Variants in GRID1 observed in about 807,000 individuals in gnomAD.
GRID1 encodes glutamate ionotropic receptor delta type subunit 1.
Under a neutral mutation model 98.0 loss-of-function variants are expected in GRID1, and 28 were observed. The ratio of observed to expected loss-of-function variants is 0.29; its 90% CI spans 0.21 to 0.39. GRID1 has a LOEUF of 0.39. Among genes scored for constraint, GRID1 ranks in the 10% least tolerant of loss-of-function variants. The pLI is 1.00. For synonymous variants in GRID1, 553 were observed against 538.5 expected (o/e 1.03, Z -0.37); for missense variants, 1,111 against 1,340.5 (o/e 0.83, Z 2.67).
At chr10:85,860,801 C>A (rs1332265301) in intron 6 of GRID1, among the ~76,000 whole-genome samples, 2 of 152,160 alleles carry the variant, frequency 1.3e-5, no homozygotes, top group African/African-American at 4.8e-5. Context: ...TCTCCACTAG[C>A]ATCCATTTGC....
At chr10:85,614,126 G>C (rs1842763512) in intron 14 of GRID1, among the ~76,000 whole-genome samples, 1 of 152,172 alleles carries the variant, frequency 6.6e-6, no homozygotes, top group Admixed American at 6.5e-5. Context: ...TTGATTTGAG[G>C]ATCTTCTGTG....
chr10:86,305,750 G>A (rs1277564802), intron 2 of GRID1, among the ~76,000 whole-genome samples: 1 of 152,228 alleles, frequency 6.6e-6, no homozygotes, highest in African/African-American at 2.4e-5. Flanking sequence ...TTTCAGAGAG[G>A]AGGATCACAC....
chr10:85,767,587 TAA>T (rs1478409458), intron 8 of GRID1, among the ~76,000 whole-genome samples: 1 of 152,200 alleles, frequency 6.6e-6, no homozygotes, highest in Non-Finnish European at 1.5e-5. Flanking sequence ...GGCCTGTTGT[TAA>T]TCATTCCATG....
chr10:85,693,138 A>C (rs927051450), intron 12 of GRID1, among the ~76,000 whole-genome samples: 3 of 149,228 alleles, frequency 2.0e-5, no homozygotes, highest in Admixed American at 6.6e-5. Context: ...CTAAGTAGTC[A>C]TCAAGATAAT....
intron 8 of GRID1, among the ~76,000 whole-genome samples, chr10:85,834,052 G>C (rs773032759): frequency 1.1e-4 from 16 of 152,166 alleles, no homozygotes; most frequent in Admixed American, 3.3e-4. Flanking sequence ...AAGAGAAAGA[G>C]ACTGAGGCTG....
chr10:86,114,756 T>G (rs2131954670), intron 4 of GRID1, among the ~76,000 whole-genome samples: 1 of 152,264 alleles, frequency 6.6e-6, no homozygotes, highest in South Asian at 2.1e-4. Context: ...GACACAGACC[T>G]ATTCGGAGGG....
At chr10:85,878,549 A>C (rs1589284896) in intron 5 of GRID1, among the ~76,000 whole-genome samples, 1 of 152,194 alleles carries the variant, frequency 6.6e-6, no homozygotes, top group South Asian at 2.1e-4. Context: ...GAAATAAAAT[A>C]CTTTACAGAC....
At chr10:86,065,390 A>G (rs754337257) in intron 4 of GRID1, among the ~76,000 whole-genome samples, 1 of 152,244 alleles carries the variant, frequency 6.6e-6, no homozygotes, top group East Asian at 1.9e-4. Context: ...CCAAGCAGCA[A>G]GGCCAATCTG....
intron 5 of GRID1, among the ~76,000 whole-genome samples, chr10:85,914,487 GA>G (rs1465744284): frequency 6.6e-6 from 1 of 152,116 alleles, no homozygotes; most frequent in Non-Finnish European, 1.5e-5. Context: ...CACAGGCTCT[GA>G]AAACAGGAGG....
intron 4 of GRID1, among the ~76,000 whole-genome samples, chr10:86,094,363 AAAG>A (rs1844190833): frequency 6.6e-6 from 1 of 152,206 alleles, no homozygotes; most frequent in South Asian, 2.1e-4. Flanking sequence ...CAGACAAGAG[AAAG>A]AAATAAAGGG....
chr10:86,264,185 A>C (rs1250836710), intron 2 of GRID1, among the ~76,000 whole-genome samples: 1 of 152,062 alleles, frequency 6.6e-6, no homozygotes, highest in East Asian at 1.9e-4. Flanking sequence ...TGGAGCTAAG[A>C]GCCCAGCCCC....
At chr10:86,095,260 T>C (rs1303362962) in intron 4 of GRID1, among the ~76,000 whole-genome samples, 1 of 152,138 alleles carries the variant, frequency 6.6e-6, no homozygotes, top group Non-Finnish European at 1.5e-5. Flanking sequence ...TTCTACAAGA[T>C]AACATTGGAA....
chr10:85,910,669 T>C (rs1023038829), intron 5 of GRID1, among the ~76,000 whole-genome samples: 1 of 151,522 alleles, frequency 6.6e-6, no homozygotes, highest in African/African-American at 2.4e-5. Flanking sequence ...AGATGGGGGG[T>C]CTCTTAGGAT....
At chr10:85,618,111 C>T (rs1015907857) in intron 14 of GRID1, among the ~76,000 whole-genome samples, 4 of 152,206 alleles carry the variant, frequency 2.6e-5, no homozygotes, top group African/African-American at 9.6e-5. Flanking sequence ...AGCAGTCCAG[C>T]CAAGACCCGG....
intron 4 of GRID1, among the ~76,000 whole-genome samples, chr10:85,978,292 C>A (rs993417289): frequency 6.6e-6 from 1 of 152,192 alleles, no homozygotes; most frequent in South Asian, 2.1e-4. Flanking sequence ...GGACCTAAAG[C>A]AGCCAGATGA....
At chr10:85,736,540 C>A (rs1371805661) in intron 8 of GRID1, among the ~76,000 whole-genome samples, 2 of 152,160 alleles carry the variant, frequency 1.3e-5, no homozygotes, top group Non-Finnish European at 2.9e-5. Context: ...TCTCATCAAC[C>A]AGTGACTGCC....
At chr10:85,863,560 C>A (rs1404042716) in intron 6 of GRID1, among the ~76,000 whole-genome samples, 1 of 152,180 alleles carries the variant, frequency 6.6e-6, no homozygotes, top group Non-Finnish European at 1.5e-5. Context: ...ATTGGAAGCC[C>A]AGGTGTTCTG....
chr10:85,976,190 T>G (rs947123130), intron 4 of GRID1, among the ~76,000 whole-genome samples: 1 of 152,250 alleles, frequency 6.6e-6, no homozygotes, highest in African/African-American at 2.4e-5. Flanking sequence ...TTGTTTTTTT[T>G]GTTCTGTTTT....
chr10:85,717,998 G>A (rs1332693929), intron 12 of GRID1, among the ~76,000 whole-genome samples: 1 of 152,200 alleles, frequency 6.6e-6, no homozygotes, highest in Non-Finnish European at 1.5e-5. Flanking sequence ...TGGTTTCCAT[G>A]GTCTTGGGCA....
Sources: gnomAD v4.1 joint callset for allele counts (sites outside exome capture counted in the v4.1 genomes callset) on GRCh38, gnomAD v4.1.1 for gene constraint, MANE v1.5 for transcripts, NCBI Gene and HGNC (gene_info 2026-07-23, HGNC 2026-07-21) for gene names.